The following GMDS variants were observed in gnomAD, a reference collection of about 807,000 sequenced individuals.
GMDS encodes GDP-mannose 4,6 dehydratase.
GMDS carries 20 observed loss-of-function variants against 49.9 expected under a neutral mutation model. The observed-to-expected ratio is 0.40, with a 90% CI of 0.28 to 0.58. GMDS has a LOEUF of 0.58. GMDS is among the 20% of genes least tolerant of loss of function. The pLI is 0.42. For synonymous variants in GMDS, 177 were observed against 178.6 expected, an observed-to-expected ratio of 0.99 and a Z score of 0.07; for missense variants, 362 against 481.4, an observed-to-expected ratio of 0.75 and a Z score of 2.32.
intron 7 of GMDS, among the ~76,000 whole-genome samples, chr6:1,877,209 A>AC (rs901835987): frequency 1.3e-5 from 2 of 151,796 alleles, no homozygotes; most frequent in African/African-American, 4.8e-5. Flanking sequence ...GTTCAGTTGA[A>AC]CCACTGGTGG....
intron 7 of GMDS, among the ~76,000 whole-genome samples, chr6:1,890,320 C>T (rs1289069160): frequency 6.6e-6 from 1 of 152,176 alleles, no homozygotes; most frequent in Non-Finnish European, 1.5e-5. Context: ...TCCTTAATGA[C>T]TAATGGTGCG....
At chr6:1,973,810 A>C (rs1561937528) in intron 4 of GMDS, among the ~76,000 whole-genome samples, 1 of 151,976 alleles carries the variant, frequency 6.6e-6, no homozygotes, top group Non-Finnish European at 1.5e-5. Context: ...GAACAACAAC[A>C]AAAAAAAGAG....
chr6:1,715,834 A>G (rs1766156215), intron 9 of GMDS, among the ~76,000 whole-genome samples: 1 of 152,236 alleles, frequency 6.6e-6, no homozygotes. Flanking sequence ...ATAAGGGACT[A>G]TAGTACTTTC....
At chr6:2,105,068 G>C (rs1171161568) in intron 4 of GMDS, among the ~76,000 whole-genome samples, 6 of 151,632 alleles carry the variant, frequency 4.0e-5, no homozygotes, top group African/African-American at 1.5e-4. Context: ...TGTAGTCCCA[G>C]CGACTCGGGA....
At position 2,194,011 on chromosome 6, in the gene GMDS, G is replaced by A. The variant is rs533745080; in HGVS notation, c.102+51310C>T. Among the ~76,000 whole-genome samples, 328 of 150,200 alleles carry A rather than the reference G, an allele frequency of 2.2e-3. 2 individuals carry two copies. The highest frequency in any genetic ancestry group is 7.8e-3 in the African/African-American group (314 of 40,050). On this transcript the variant is annotated intron_variant, in intron 1 of 10. Transcript: ENST00000380815. ...TGCTGGATTACAGGCGTGAGCCACC[G>A]CGTCCAGCCAAAAATGCTATTTTTT...
At chr6:1,770,273 C>G (rs573815935) in intron 7 of GMDS, among the ~76,000 whole-genome samples, 1 of 152,172 alleles carries the variant, frequency 6.6e-6, no homozygotes, top group Non-Finnish European at 1.5e-5. Context: ...GTTTTAGACC[C>G]TAGGTTAGGA....
intron 4 of GMDS, among the ~76,000 whole-genome samples, chr6:2,059,751 GA>G (rs983434786): frequency 4.2e-5 from 3 of 71,602 alleles, no homozygotes; most frequent in Non-Finnish European, 9.4e-5. Context: ...AACTCCTAAA[GA>G]AAAAAAAATG....
chr6:1,942,858 G>A (rs1303452062), intron 6 of GMDS, among the ~76,000 whole-genome samples: 1 of 152,198 alleles, frequency 6.6e-6, no homozygotes, highest in East Asian at 1.9e-4. Flanking sequence ...CCAGAGTCCT[G>A]ATAGACGCAC....
chr6:1,628,566 T>A (rs1762909279), intron 9 of GMDS, among the ~76,000 whole-genome samples: 2 of 152,252 alleles, frequency 1.3e-5, no homozygotes, highest in African/African-American at 2.4e-5. Flanking sequence ...AAAACTTTAA[T>A]ATTTAGTTCA....
chr6:1,639,247 C>T (rs1763255200), intron 9 of GMDS, among the ~76,000 whole-genome samples: 1 of 152,212 alleles, frequency 6.6e-6, no homozygotes, highest in Admixed American at 6.5e-5. Flanking sequence ...TACTGGGTGA[C>T]GTGCCTAGCA....
At chr6:1,705,660 G>A (rs1013201584) in intron 9 of GMDS, among the ~76,000 whole-genome samples, 1 of 152,194 alleles carries the variant, frequency 6.6e-6, no homozygotes, top group East Asian at 1.9e-4. Flanking sequence ...CACGGATAAT[G>A]GACTGCGCAT....
chr6:1,667,947 A>G (rs1276721718), intron 9 of GMDS, among the ~76,000 whole-genome samples: 1 of 152,204 alleles, frequency 6.6e-6, no homozygotes, highest in African/African-American at 2.4e-5. Context: ...TCAGATAATA[A>G]GATCACAGTT....
chr6:1,980,226 C>A (rs955009765), intron 4 of GMDS, among the ~76,000 whole-genome samples: 6 of 151,928 alleles, frequency 3.9e-5, no homozygotes, highest in African/African-American at 1.5e-4. Flanking sequence ...GCTAAATGCT[C>A]CAATTAAAAG....
intron 4 of GMDS, among the ~76,000 whole-genome samples, chr6:1,997,063 C>T (rs984935286): frequency 6.6e-6 from 1 of 151,842 alleles, no homozygotes; most frequent in African/African-American, 2.4e-5. Context: ...TGATTCTCAG[C>T]CCCCTCCTTC....
chr6:2,115,303 C>G (rs1774785179), intron 4 of GMDS, among the ~76,000 whole-genome samples: 1 of 152,168 alleles, frequency 6.6e-6, no homozygotes, highest in African/African-American at 2.4e-5. Context: ...ATGATTTTTA[C>G]CATTCACAAT....
At chr6:2,156,327 C>T (rs1025048198) in intron 1 of GMDS, among the ~76,000 whole-genome samples, 1 of 152,070 alleles carries the variant, frequency 6.6e-6, no homozygotes, top group Non-Finnish European at 1.5e-5. Flanking sequence ...ATTATCTCTA[C>T]GTCACTATCA....
chr6:1,644,331 T>C (rs971080813), intron 9 of GMDS, among the ~76,000 whole-genome samples: 2 of 152,198 alleles, frequency 1.3e-5, no homozygotes, highest in African/African-American at 4.8e-5. Flanking sequence ...AGCCCTCTGC[T>C]GGGCATCCAA....
chr6:1,922,871 C>G (rs1289784446), intron 7 of GMDS, among the ~76,000 whole-genome samples: 1 of 152,228 alleles, frequency 6.6e-6, no homozygotes, highest in Non-Finnish European at 1.5e-5. Flanking sequence ...GCTGCGTCCC[C>G]TTTCAAATCT....
intron 6 of GMDS, chr6:1,948,967 T>G (rs549020389): frequency 1.7e-4 from 62 of 371,904 alleles, no homozygotes; most frequent in Non-Finnish European, 2.2e-4. Context: ...TTCTGTTGGC[T>G]GGCACTGCAG....
Sources: gnomAD v4.1 joint callset for allele counts (sites outside exome capture counted in the v4.1 genomes callset) on GRCh38, gnomAD v4.1.1 for gene constraint, MANE v1.5 for transcripts, NCBI Gene and HGNC (gene_info 2026-07-23, HGNC 2026-07-21) for gene names.